ATP10A: variants seen among roughly 807,000 people sequenced by gnomAD.
The protein encoded by ATP10A is phospholipid-transporting ATPase VA.
Under a neutral mutation model 147.8 loss-of-function variants are expected in ATP10A, and 111 were observed. That is an observed-to-expected ratio of 0.75 (90% CI 0.64 to 0.88). The LOEUF (loss-of-function observed/expected upper bound fraction) is 0.88, where lower values mean the gene tolerates loss of function less well. Ranked by LOEUF, ATP10A falls within the 40% of genes least tolerant of loss-of-function variation. The pLI is 0.00. For missense variants in ATP10A, 1,927 were observed against 1,959.0 expected, an observed-to-expected ratio of 0.98 and a Z score of 0.31; for synonymous variants, 875 against 841.6, an observed-to-expected ratio of 1.04 and a Z score of -0.69.
intron 1 of ATP10A, among the ~76,000 whole-genome samples, chr15:25,821,149 C>T (rs1252998457): frequency 6.6e-6 from 1 of 152,160 alleles, no homozygotes; most frequent in Admixed American, 6.5e-5. Context: ...CCTACAATCC[C>T]AGCGTGCTTG....
chr15:25,762,733 C>T (rs1014613945), intron 2 of ATP10A, among the ~76,000 whole-genome samples: 1 of 152,028 alleles, frequency 6.6e-6, no homozygotes, highest in Non-Finnish European at 1.5e-5. Context: ...GCGTGTGGCA[C>T]CATGCCCAGC....
At chr15:25,764,424 G>A (rs1262255311) in intron 2 of ATP10A, among the ~76,000 whole-genome samples, 2 of 152,170 alleles carry the variant, frequency 1.3e-5, no homozygotes. Context: ...ATTTGAAGGT[G>A]GGTCCTTGGG....
rs1317211505 is a variant in ATP10A at position 25,726,376 on chromosome 15, T to C, written c.848-294A>G. Among the ~76,000 whole-genome samples, 3 of 152,060 alleles carry C rather than the reference T, an allele frequency of 2.0e-5. 1 individual carries two copies. Among genetic ancestry groups the C allele is most frequent in the African/African-American group, 7.2e-5 (3 of 41,388 alleles). On this transcript the variant is annotated intron_variant, in intron 4 of 20. Coordinates refer to ENST00000555815, the MANE Select transcript of ATP10A (RefSeq NM_024490.4). ...TGGGTTGAGGTACTATTCAAAGAAT[T>C]TTTGCTTTTGCTCCTTTCCATTTTC...
chr15:25,728,910 G>T (rs1044652710), intron 3 of ATP10A, among the ~76,000 whole-genome samples: 4 of 152,164 alleles, frequency 2.6e-5, no homozygotes, highest in African/African-American at 4.8e-5. Flanking sequence ...ACACAAAGGG[G>T]AGGCTGGAGA....
intron 3 of ATP10A, among the ~76,000 whole-genome samples, chr15:25,733,407 A>C (rs1005723286): frequency 1.3e-5 from 2 of 151,938 alleles, no homozygotes; most frequent in African/African-American, 2.4e-5. Flanking sequence ...CCGAGGGAGC[A>C]CTCCAGCCCC....
At chr15:25,712,410 G>A (rs1164178902) in intron 10 of ATP10A, among the ~76,000 whole-genome samples, 1 of 152,198 alleles carries the variant, frequency 6.6e-6, no homozygotes, top group Admixed American at 6.5e-5. Context: ...GCCTGCCAGC[G>A]CTGGGCAGCC....
At chr15:25,855,520 T>G (rs974812693) in intron 1 of ATP10A, among the ~76,000 whole-genome samples, 22 of 145,412 alleles carry the variant, frequency 1.5e-4, no homozygotes, top group African/African-American at 5.6e-4. Flanking sequence ...CCCCACAGCT[T>G]GAAATCTCAG....
chr15:25,839,796 A>C (rs190292183), intron 1 of ATP10A, among the ~76,000 whole-genome samples: 29 of 152,264 alleles, frequency 1.9e-4, no homozygotes, highest in Non-Finnish European at 4.0e-4. Context: ...GGTCCCATGC[A>C]CCCTTCACCC....
At chr15:25,702,175 T>G in intron 12 of ATP10A, 75 bp from the exon 13 acceptor site, 2 of 1,445,220 alleles carry the variant, frequency 1.4e-6, no homozygotes, top group African/African-American at 2.8e-5. Flanking sequence ...GCAAATGTCA[T>G]GCACCAGATA....
chr15:25,736,644 T>C (rs1887302332), intron 2 of ATP10A, among the ~76,000 whole-genome samples: 1 of 152,186 alleles, frequency 6.6e-6, no homozygotes, highest in Non-Finnish European at 1.5e-5. Flanking sequence ...TTTAGTATTC[T>C]GCTCAATTAA....
At chr15:25,760,238 G>A (rs779128539) in intron 2 of ATP10A, among the ~76,000 whole-genome samples, 3 of 152,152 alleles carry the variant, frequency 2.0e-5, no homozygotes, top group Non-Finnish European at 2.9e-5. Context: ...TGGGCTTATC[G>A]AATATTTTAA....
intron 1 of ATP10A, among the ~76,000 whole-genome samples, chr15:25,848,460 T>C (rs1018472702): frequency 5.3e-5 from 8 of 151,886 alleles, no homozygotes; most frequent in Non-Finnish European, 1.2e-4. Context: ...GCTAAACAAA[T>C]CTGTCATTTC....
At chr15:25,698,067 G>A (rs1900448201) in intron 13 of ATP10A, among the ~76,000 whole-genome samples, 1 of 152,024 alleles carries the variant, frequency 6.6e-6, no homozygotes, top group African/African-American at 2.4e-5. Context: ...ATGACAAAAT[G>A]TAATGTAGTG....
chr15:25,736,032 C>T lies in ATP10A; in HGVS notation c.740+24G>A, dbSNP rs777790058. 2.1e-5 allele frequency: 33 copies of T among 1,584,600 alleles called. No homozygotes were observed. The East Asian group carries it at 2.5e-4, about 12-fold the overall frequency. On this transcript the variant is annotated intron_variant, in intron 3 of 20. Coordinates refer to ENST00000555815, the MANE Select transcript of ATP10A (RefSeq NM_024490.4). ...TGTAGTTATCAAACAGAAGGATGCG[C>T]GCAGGCAGACACACGATACTCACAT...
intron 3 of ATP10A, among the ~76,000 whole-genome samples, chr15:25,731,958 C>T (rs1034964522): frequency 2.0e-5 from 3 of 152,106 alleles, no homozygotes; most frequent in African/African-American, 7.2e-5. Flanking sequence ...TGAGCTCAAG[C>T]CATCCTCCCA....
intron 13 of ATP10A, among the ~76,000 whole-genome samples, 185 bp from the exon 14 acceptor site, chr15:25,695,331 G>A (rs1025472275): frequency 2.6e-5 from 4 of 152,166 alleles, no homozygotes; most frequent in African/African-American, 9.6e-5. Flanking sequence ...CCAGAGAAGA[G>A]ACTGAATTGG....
intron 1 of ATP10A, among the ~76,000 whole-genome samples, chr15:25,822,646 G>A (rs1891937773): frequency 6.6e-6 from 1 of 152,088 alleles, no homozygotes; most frequent in South Asian, 2.1e-4. Flanking sequence ...TCACTCCAAG[G>A]ACAAACCTAG....
chr15:25,837,461 G>T (rs867824377), intron 1 of ATP10A, among the ~76,000 whole-genome samples: 1 of 152,166 alleles, frequency 6.6e-6, no homozygotes, highest in Non-Finnish European at 1.5e-5. Context: ...TCAAACACAC[G>T]GACAGAGTAG....
At chr15:25,770,980 G>C (rs1475184816) in intron 2 of ATP10A, among the ~76,000 whole-genome samples, 4 of 152,190 alleles carry the variant, frequency 2.6e-5, no homozygotes, top group Admixed American at 2.6e-4. Context: ...TTAAATGAAG[G>C]CTTCCAGGTA....
Sources: allele counts gnomAD v4.1 joint callset (sites outside exome capture counted in the v4.1 genomes callset), GRCh38; gene constraint gnomAD v4.1.1; transcripts MANE v1.5; gene names NCBI Gene and HGNC (gene_info 2026-07-23, HGNC 2026-07-21).